SIPA1L1: variants seen among roughly 807,000 people sequenced by gnomAD.
SIPA1L1 encodes signal-induced proliferation-associated 1-like protein 1.
A neutral mutation model predicts 162.7 loss-of-function variants in SIPA1L1; 26 were observed. That is an observed-to-expected ratio of 0.16 (90% CI 0.12 to 0.22). The LOEUF (loss-of-function observed/expected upper bound fraction) is 0.22. Ranked by LOEUF, SIPA1L1 falls within the 10% of genes least tolerant of loss-of-function variation. The pLI, the probability that SIPA1L1 is intolerant of heterozygous loss-of-function variation, is 1.00. For missense variants in SIPA1L1, 1,874 were observed against 2,241.0 expected (o/e 0.84, Z 3.31); for synonymous variants, 829 against 837.4 (o/e 0.99, Z 0.17).
At chr14:71,329,492 G>A (rs903645035) in intron 2 of SIPA1L1, among the ~76,000 whole-genome samples, 2 of 151,288 alleles carry the variant, frequency 1.3e-5, no homozygotes, top group African/African-American at 4.9e-5. Flanking sequence ...TCAGGTTGGG[G>A]TGCAGTGGTG....
At chr14:71,709,745 A>C in intron 17 of SIPA1L1, 81 bp downstream of exon 17, 1 of 1,178,204 alleles carries the variant, frequency 8.5e-7, no homozygotes, top group Non-Finnish European at 1.2e-6. Flanking sequence ...TACTTTGCTC[A>C]ATAGTGTATA....
chr14:71,325,535 T>C (rs935901592), intron 2 of SIPA1L1, among the ~76,000 whole-genome samples: 1 of 152,196 alleles, frequency 6.6e-6, no homozygotes, highest in Non-Finnish European at 1.5e-5. Flanking sequence ...TGGTAGGTAA[T>C]GTTCACCAGT....
At position 71,495,734 on chromosome 14, in the gene SIPA1L1, A is replaced by G. The variant is rs554417627; in HGVS notation, c.-464-17009A>G. Among the ~76,000 whole-genome samples the G allele has an allele frequency of 3.3e-5, 5 of 151,872 alleles. No homozygotes were observed. The South Asian group carries it at 8.3e-4, about 25-fold the overall frequency. On this transcript the variant is annotated intron_variant, in intron 2 of 23. Coordinates refer to ENST00000381232, the MANE Select transcript of SIPA1L1 (RefSeq NM_001386936.1). ...ACGATTGAGATCTTTCTTATTTTCT[A>G]AAATAGGTTTAAGTTTAAAGCTATA...
At chr14:71,516,697 G>A (rs1241399682) in intron 3 of SIPA1L1, among the ~76,000 whole-genome samples, 1 of 151,816 alleles carries the variant, frequency 6.6e-6, no homozygotes, top group Non-Finnish European at 1.5e-5. Flanking sequence ...TTTTGGCTGG[G>A]TGTGGTGGCT....
At chr14:71,635,032 C>A (rs2148814746) in intron 7 of SIPA1L1, among the ~76,000 whole-genome samples, 1 of 152,186 alleles carries the variant, frequency 6.6e-6, no homozygotes, top group Non-Finnish European at 1.5e-5. Flanking sequence ...AATCCCAGCA[C>A]TTTGAGAGGC....
chr14:71,701,126 G>GT (rs2082072244), intron 14 of SIPA1L1, among the ~76,000 whole-genome samples: 1 of 149,914 alleles, frequency 6.7e-6, no homozygotes, highest in South Asian at 2.1e-4. Context: ...TGGAATTGCC[G>GT]TTTTACACAT....
intron 2 of SIPA1L1, among the ~76,000 whole-genome samples, chr14:71,410,141 G>A (rs2140275531): frequency 6.6e-6 from 1 of 152,176 alleles, no homozygotes; most frequent in African/African-American, 2.4e-5. Context: ...GCAGCTCATT[G>A]TATTCAATGA....
chr14:71,539,879 A>G (rs2054227842), intron 4 of SIPA1L1, among the ~76,000 whole-genome samples: 1 of 152,232 alleles, frequency 6.6e-6, no homozygotes, highest in Non-Finnish European at 1.5e-5. Context: ...CTGTAGCTAG[A>G]AAGCAGAACT....
At chr14:71,732,526 G>T (rs1364962242) in intron 20 of SIPA1L1, among the ~76,000 whole-genome samples, 2 of 152,166 alleles carry the variant, frequency 1.3e-5, no homozygotes, top group Non-Finnish European at 2.9e-5. Context: ...GCTGCCTTCA[G>T]TGTTCAGGGT....
intron 2 of SIPA1L1, among the ~76,000 whole-genome samples, chr14:71,381,802 T>C (rs2039926276): frequency 6.6e-6 from 1 of 152,200 alleles, no homozygotes; most frequent in South Asian, 2.1e-4. Context: ...TGGTGCCCTC[T>C]TCTCTGTGAA....
chr14:71,444,790 T>C (rs142116556), intron 2 of SIPA1L1, among the ~76,000 whole-genome samples: 2 of 152,222 alleles, frequency 1.3e-5, no homozygotes, highest in African/African-American at 4.8e-5. Flanking sequence ...TACTGTTGAG[T>C]TGGAGTTTTT....
At chr14:71,458,466 A>G (rs1409686522) in intron 2 of SIPA1L1, among the ~76,000 whole-genome samples, 1 of 152,174 alleles carries the variant, frequency 6.6e-6, no homozygotes, top group East Asian at 1.9e-4. Context: ...GTTGTTATTA[A>G]CAAATGAATG....
Position 71,643,653 on chromosome 14 carries a change from G to A in SIPA1L1, c.1819-6682G>A, listed in dbSNP as rs78021246. Among the ~76,000 whole-genome samples the A allele has an allele frequency of 8.4e-3, 1,280 of 152,312 alleles. 45 individuals carry two copies. The highest frequency in any genetic ancestry group is 0.062 in the Admixed American group (945 of 15,298). The stretch of plus-strand genomic sequence containing the variant: ...TATGTGCATCTGCTGTCAGTCTGCT[G>A]CAATATGTTGTTTTGGTTGGAGTAA... On this transcript the variant is annotated intron_variant, in intron 7 of 23. Transcript: ENST00000381232.
Position 71,589,105 on chromosome 14 carries a change from A to C in SIPA1L1, c.1233A>C (p.Val411=). The change falls in exon 5 of 24, where the codon GTA becomes GTC. Residue 411 remains valine (V), a synonymous_variant. Transcript: ENST00000381232. ...DQGDDKSNEL[V]MSCPYFRNEI... ...GAGATGATAAAAGCAATGAGCTTGT[A>C]ATGAGCTGTCCATATTTTCGGAATG... is the stretch of plus-strand genomic sequence containing the variant. The C allele has an allele frequency of 6.2e-7, 1 of 1,614,118 alleles. No homozygotes were observed. Among genetic ancestry groups the C allele is most frequent in the Non-Finnish European group, 8.5e-7 (1 of 1,179,986 alleles).
chr14:71,381,092 G>A (rs535729318), intron 2 of SIPA1L1, among the ~76,000 whole-genome samples: 12 of 152,184 alleles, frequency 7.9e-5, no homozygotes, highest in African/African-American at 2.9e-4. Flanking sequence ...TGGCACTGTC[G>A]CCTGGGCTGG....
At chr14:71,598,297 A>G in intron 5 of SIPA1L1, 2 of 857,428 alleles carry the variant, frequency 2.3e-6, no homozygotes, top group Non-Finnish European at 2.8e-6. Context: ...TTTCAGGAGA[A>G]ATGGGAGGAG....
intron 17 of SIPA1L1, among the ~76,000 whole-genome samples, chr14:71,710,018 A>G (rs925606850): frequency 1.3e-5 from 2 of 152,226 alleles, no homozygotes; most frequent in Admixed American, 1.3e-4. Context: ...TTTGAAGACT[A>G]TGTTTTTAAA....
chr14:71,443,106 G>A (rs2045045948), intron 2 of SIPA1L1, among the ~76,000 whole-genome samples: 1 of 152,196 alleles, frequency 6.6e-6, no homozygotes, highest in Non-Finnish European at 1.5e-5. Context: ...TACAGTATTA[G>A]TTAGGGAGGT....
intron 2 of SIPA1L1, among the ~76,000 whole-genome samples, chr14:71,431,888 A>G (rs1020619980): frequency 6.6e-6 from 1 of 152,156 alleles, no homozygotes; most frequent in African/African-American, 2.4e-5. Flanking sequence ...TGTACACAGA[A>G]GCTTTCAAAA....
Sources: allele counts gnomAD v4.1 joint callset (sites outside exome capture counted in the v4.1 genomes callset), GRCh38; gene constraint gnomAD v4.1.1; transcripts MANE v1.5; gene names NCBI Gene and HGNC (gene_info 2026-07-23, HGNC 2026-07-21).